LIN28B: variants seen among roughly 807,000 people sequenced by gnomAD.
LIN28B encodes lin-28 RNA binding posttranscriptional regulator B.
A neutral mutation model predicts 21.9 loss-of-function variants in LIN28B; 5 were observed. The ratio of observed to expected loss-of-function variants is 0.23; its 90% CI spans 0.12 to 0.48. The LOEUF is 0.48. LIN28B is among the 20% of genes least tolerant of loss of function. The probability of loss-of-function intolerance (pLI) is 0.98; values close to 1 mark genes in which losing one functional copy is unlikely to be tolerated. For missense variants in LIN28B, 245 were observed against 310.5 expected, an observed-to-expected ratio of 0.79 and a Z score of 1.58; for synonymous variants, 109 against 111.3, an observed-to-expected ratio of 0.98 and a Z score of 0.13.
At chr6:105,028,649 C>T (rs1442813008) in intron 3 of LIN28B, among the ~76,000 whole-genome samples, 4 of 152,200 alleles carry the variant, frequency 2.6e-5, no homozygotes, top group Non-Finnish European at 4.4e-5. Flanking sequence ...GATGGGGAAA[C>T]CTACAGAAGG....
chr6:105,010,926 GTCT>G (rs1437952440), intron 2 of LIN28B, among the ~76,000 whole-genome samples: 4 of 151,968 alleles, frequency 2.6e-5, no homozygotes, highest in African/African-American at 9.7e-5. Flanking sequence ...AGTTAATTTT[GTCT>G]GTTCTAGAAC....
chr6:105,032,412 G>A (rs1001725562), intron 3 of LIN28B, among the ~76,000 whole-genome samples: 1 of 152,170 alleles, frequency 6.6e-6, no homozygotes, highest in African/African-American at 2.4e-5. Flanking sequence ...ATCTTTGCCA[G>A]CATTTGGTAT....
intron 2 of LIN28B, among the ~76,000 whole-genome samples, chr6:104,981,504 A>G (rs1050213831): frequency 6.6e-6 from 1 of 152,172 alleles, no homozygotes; most frequent in Non-Finnish European, 1.5e-5. Context: ...TTGCCCTTTT[A>G]TTATAAACTT....
intron 1 of LIN28B, 131 bp downstream of exon 1, chr6:104,957,391 C>T: frequency 1.7e-6 from 1 of 603,682 alleles, no homozygotes; most frequent in Non-Finnish European, 2.9e-6. Flanking sequence ...ACCTCCCAAC[C>T]CCCCATCACG....
intron 2 of LIN28B, among the ~76,000 whole-genome samples, chr6:104,971,122 CAAT>C (rs957369632): frequency 6.6e-6 from 1 of 151,856 alleles, no homozygotes; most frequent in African/African-American, 2.4e-5. Context: ...ATATTTGAAA[CAAT>C]AGTTTCAAAA....
Position 105,049,668 on chromosome 6 carries a change from T to G in LIN28B, c.383+23186T>G, listed in dbSNP as rs60928862. Among the ~76,000 whole-genome samples, 397 of 152,178 alleles carry G rather than the reference T, an allele frequency of 2.6e-3. 15 individuals carry two copies. The East Asian group carries it at 0.059, about 23-fold the overall frequency. On this transcript the variant is annotated intron_variant, in intron 3 of 3. Transcript: ENST00000345080. ...CTTTGTAGTTCTCTAAGGACTTGCT[T>G]TATGAATCTGGGTGCTCCTGTATTG...
intron 2 of LIN28B, among the ~76,000 whole-genome samples, chr6:104,961,425 GAGTC>G (rs1225642006): frequency 6.6e-6 from 1 of 151,672 alleles, no homozygotes; most frequent in Admixed American, 6.6e-5. Context: ...TTTTGAGGTG[GAGTC>G]TCACACTGTC....
intron 3 of LIN28B, among the ~76,000 whole-genome samples, chr6:105,061,655 C>T (rs1161728473): frequency 6.6e-6 from 1 of 151,798 alleles, no homozygotes; most frequent in African/African-American, 2.4e-5. Context: ...TCATTTAAGA[C>T]CAACAGCAAC....
At chr6:104,996,859 C>T (rs572930200) in intron 2 of LIN28B, among the ~76,000 whole-genome samples, 4 of 152,250 alleles carry the variant, frequency 2.6e-5, no homozygotes, top group Admixed American at 1.3e-4. Flanking sequence ...GGCATGCACC[C>T]GTGGTCCCAG....
chr6:104,957,379 T>C (rs1321396742), intron 1 of LIN28B, 119 bp downstream of exon 1: 1 of 547,544 alleles, frequency 1.8e-6, no homozygotes, highest in African/African-American at 2.5e-5. Context: ...ATACTGGGCA[T>C]TACCTCCCAA....
At chr6:104,997,355 A>G (rs890047829) in intron 2 of LIN28B, among the ~76,000 whole-genome samples, 7 of 151,822 alleles carry the variant, frequency 4.6e-5, no homozygotes, top group Admixed American at 1.3e-4. Flanking sequence ...TTATAATTTT[A>G]ATTTTATTGT....
At chr6:105,020,091 C>T (rs545123378) in intron 2 of LIN28B, among the ~76,000 whole-genome samples, 2 of 150,106 alleles carry the variant, frequency 1.3e-5, no homozygotes, top group Admixed American at 1.3e-4. Flanking sequence ...TCAGTTGACT[C>T]CTTATTCCTG....
intron 2 of LIN28B, among the ~76,000 whole-genome samples, chr6:104,969,493 C>T (rs1029553557): frequency 3.3e-5 from 5 of 152,134 alleles, no homozygotes; most frequent in African/African-American, 1.2e-4. Flanking sequence ...TTATATTGGA[C>T]ATGTATAAAG....
At chr6:105,066,982 T>A (rs1281577879) in intron 3 of LIN28B, among the ~76,000 whole-genome samples, 1 of 152,190 alleles carries the variant, frequency 6.6e-6, no homozygotes, top group East Asian at 1.9e-4. Context: ...TTGTATTTCT[T>A]CAGGCTGAGC....
rs1240670062 is a variant in LIN28B, at chr6:105,023,233, T to G, written c.199-3065T>G. 3.7e-4 allele frequency among the ~76,000 whole-genome samples: 36 copies of G among 97,920 alleles called. 1 individual carries two copies. The highest frequency in any genetic ancestry group is 6.0e-4 in the Non-Finnish European group (31 of 51,848). The allele number at this position is 97,920 out of a possible 152,430, so 64.2% of individuals were successfully genotyped here. A position where few individuals can be genotyped will look rare whatever the true frequency, so the allele number is the denominator to read the frequency against. ...TGGATATATATATATATATAATATA[T>G]ATTATATTATATATTATTTATATAT... is the stretch of plus-strand genomic sequence containing the variant. On this transcript the variant is annotated intron_variant, in intron 2 of 3. Coordinates refer to ENST00000345080, the MANE Select transcript of LIN28B (RefSeq NM_001004317.4).
chr6:104,994,516 G>A (rs1562085750), intron 2 of LIN28B, among the ~76,000 whole-genome samples: 1 of 152,190 alleles, frequency 6.6e-6, no homozygotes, highest in Non-Finnish European at 1.5e-5. Flanking sequence ...AGGAGAGAAA[G>A]CTATAAATCG....
intron 2 of LIN28B, among the ~76,000 whole-genome samples, chr6:104,997,929 A>G (rs1372728622): frequency 3.9e-5 from 6 of 152,152 alleles, no homozygotes; most frequent in Non-Finnish European, 8.8e-5. Context: ...GCTTTTGAAA[A>G]GACTGTCTTA....
chr6:104,956,469 C>T (rs774363095), upstream of LIN28B, among the ~76,000 whole-genome samples: 3 of 152,060 alleles, frequency 2.0e-5, no homozygotes, highest in Non-Finnish European at 2.9e-5. Flanking sequence ...AAGGTGAAAA[C>T]GATTTTTCTA....
intron 3 of LIN28B, among the ~76,000 whole-genome samples, chr6:105,039,870 C>T (rs1055999894): frequency 3.9e-5 from 6 of 152,072 alleles, no homozygotes; most frequent in South Asian, 2.1e-4. Flanking sequence ...TGTCTCTTTT[C>T]CAAGAGTTGT....
Sources: allele counts gnomAD v4.1 joint callset (sites outside exome capture counted in the v4.1 genomes callset), GRCh38; gene constraint gnomAD v4.1.1; transcripts MANE v1.5; gene names NCBI Gene and HGNC (gene_info 2026-07-23, HGNC 2026-07-21).